Variants in DHX32 observed in about 807,000 individuals in gnomAD.
The protein encoded by DHX32 is putative pre-mRNA-splicing factor ATP-dependent RNA helicase DHX32.
A neutral mutation model predicts 70.0 loss-of-function variants in DHX32; 51 were observed. The observed-to-expected ratio is 0.73, with a 90% CI of 0.58 to 0.92. DHX32 has a LOEUF of 0.92. Ranked by LOEUF, DHX32 falls within the 40% of genes least tolerant of loss-of-function variation. The probability of loss-of-function intolerance (pLI) is 0.00; values close to 1 mark genes in which losing one functional copy is unlikely to be tolerated. For missense variants in DHX32, 762 were observed against 891.8 expected, an observed-to-expected ratio of 0.85 and a Z score of 1.85; for synonymous variants, 310 against 315.3, an observed-to-expected ratio of 0.98 and a Z score of 0.18.
rs78534599 is a variant in DHX32 at position 125,889,292 on chromosome 10, G to T, written c.-248+6926C>A. Among the ~76,000 whole-genome samples, 13 of 152,244 alleles carry T rather than the reference G, an allele frequency of 8.5e-5. No individual in the cohort carries two copies. The South Asian group carries it at 1.9e-3, about 22-fold the overall frequency. On this transcript the variant is annotated intron_variant, in intron 1 of 2. Coordinates refer to the DHX32 transcript ENST00000415732. ...CAACTCCTGCAAAATAAGATACAGG[G>T]CTGTGCACAAACTATGTGATCAATA...
At chr10:125,847,928 G>C (rs922531870) in intron 6 of DHX32, among the ~76,000 whole-genome samples, 1 of 152,272 alleles carries the variant, frequency 6.6e-6, no homozygotes, top group South Asian at 2.1e-4. Context: ...AGTAATGCTC[G>C]CTTGCCCCCC....
In DHX32 at chr10:125,864,929, C is replaced by CAAAAAAAAAAAAAAAAAAAAA. The variant is rs61570718; in HGVS notation, c.476+2040_476+2060dup. Among the ~76,000 whole-genome samples the CAAAAAAAAAAAAAAAAAAAAA allele has an allele frequency of 1.1e-4, 6 of 54,224 alleles. 1 individual carries two copies. Among genetic ancestry groups the CAAAAAAAAAAAAAAAAAAAAA allele is most frequent in the Non-Finnish European group, 1.5e-4 (5 of 32,388 alleles). 35.6% of individuals were successfully genotyped at this position (54,224 alleles called of 152,430 possible). A position where few individuals can be genotyped will look rare whatever the true frequency, so the allele number is the denominator to read the frequency against. ...TGGGAGACAGAGTGGGACTCTGTCT[C>CAAAAAAAAAAAAAAAAAAAAA]AAAAAAAAAAAAAAAAAAAAAAAAA... On this transcript the variant is annotated intron_variant, in intron 2 of 10. Transcript: ENST00000284690.
At chr10:125,879,021 T>G (rs1944301724) in intron 1 of DHX32, among the ~76,000 whole-genome samples, 1 of 134,744 alleles carries the variant, frequency 7.4e-6, no homozygotes, top group South Asian at 2.7e-4. Flanking sequence ...TCTTGTTTTT[T>G]TTTTTTTTTT....
chr10:125,860,928 A>G (rs993750991), intron 2 of DHX32, among the ~76,000 whole-genome samples: 2 of 151,200 alleles, frequency 1.3e-5, no homozygotes, highest in Non-Finnish European at 2.9e-5. Context: ...AATTTTTTGT[A>G]TTTTTAGTAG....
At chr10:125,842,959 A>G (rs1156789862) in intron 6 of DHX32, among the ~76,000 whole-genome samples, 4 of 152,134 alleles carry the variant, frequency 2.6e-5, no homozygotes, top group Non-Finnish European at 4.4e-5. Context: ...AGATTGGTGC[A>G]AAAGTAATTG....
intron 10 of DHX32, among the ~76,000 whole-genome samples, chr10:125,837,514 ACCT>A (rs1271185132): frequency 2.6e-5 from 4 of 151,968 alleles, no homozygotes; most frequent in African/African-American, 9.7e-5. Context: ...TGCAGCCTTG[ACCT>A]CCTGGGCTCA....
At chr10:125,884,103 G>A (rs138802262), upstream of DHX32, among the ~76,000 whole-genome samples, 210 of 152,238 alleles carry the variant, frequency 1.4e-3, 2 homozygotes, top group Admixed American at 0.011. Flanking sequence ...CATCTATTTC[G>A]ACTACTCAGA....
At chr10:125,847,428 T>C (rs1324862295) in intron 6 of DHX32, among the ~76,000 whole-genome samples, 1 of 152,052 alleles carries the variant, frequency 6.6e-6, no homozygotes, top group African/African-American at 2.4e-5. Context: ...ACAGAGTGCT[T>C]CCAGAGTGCC....
At chr10:125,878,720 T>C (rs1944299072) in intron 1 of DHX32, among the ~76,000 whole-genome samples, 1 of 151,848 alleles carries the variant, frequency 6.6e-6, no homozygotes, top group African/African-American at 2.4e-5. Flanking sequence ...GTTTTCTTTT[T>C]TTTTTTGAGA....
At chr10:125,852,154 G>T in intron 6 of DHX32, 139 bp downstream of exon 6, 1 of 1,064,068 alleles carries the variant, frequency 9.4e-7, no homozygotes, top group Non-Finnish European at 1.3e-6. Context: ...ACCTCTAGCA[G>T]GAAAATGCTT....
At chr10:125,850,354 CTTTTTTTTTTTT>C (rs765077777) in intron 6 of DHX32, among the ~76,000 whole-genome samples, 3 of 124,560 alleles carry the variant, frequency 2.4e-5, no homozygotes, top group East Asian at 4.4e-4. Flanking sequence ...TTCTTTCTTT[CTTTTTTTTTTTT>C]TTTTTTTTGA....
In DHX32 at chr10:125,841,847, A is replaced by T. The variant is rs137998421; in HGVS notation, c.1439T>A (p.Ile480Asn). 6.2e-7 allele frequency: 1 copy of T among 1,613,844 alleles called. No homozygotes were observed. Among genetic ancestry groups the T allele is most frequent in the Non-Finnish European group, 8.5e-7 (1 of 1,179,958 alleles). The change falls in exon 7 of 11, where the codon ATC (isoleucine) becomes AAC (asparagine). Residue 480 changes from isoleucine to asparagine, a missense_variant. Physicochemically the swap from Ile to Asn is moderately radical, Grantham distance 149. Transcript: ENST00000284690. Reference protein sequence around the residue: ...NDGNLSEFGIIMSEFPLDPQL... With the variant: ...NDGNLSEFGINMSEFPLDPQL... ...TGGATCAAGAGGAAACTCTGACATG[A>T]TGATTCCAAATTCAGAAAGATTTCC...
upstream of DHX32, among the ~76,000 whole-genome samples, chr10:125,883,968 G>A (rs1420879176): frequency 3.9e-5 from 6 of 152,096 alleles, no homozygotes; most frequent in Admixed American, 1.3e-4. Context: ...TCTCCTAACC[G>A]GTGCATTAGA....
intron 6 of DHX32, chr10:125,842,274 G>A: frequency 1.2e-5 from 3 of 245,826 alleles, no homozygotes. Context: ...CGCGGTCACA[G>A]TACTGGAGAG....
chr10:125,836,430 G>GT lies in DHX32; in HGVS notation c.*256dup, dbSNP rs1391319145. On this transcript the variant is annotated 3_prime_UTR_variant, in exon 11 of 11. Transcript: ENST00000284690. ...TCTCTGACACATTTACAAAATACCA[G>GT]TTTTTTAAAATTTTGGTCAAATTAT... 1.4e-6 allele frequency: 2 copies of GT among 1,439,176 alleles called. No individual in the cohort carries two copies. The highest frequency in any genetic ancestry group is 1.8e-6 in the Non-Finnish European group (2 of 1,102,600). The allele number at this position is 1,439,176 out of a possible 1,614,324, so 89.2% of individuals were successfully genotyped here. A position where few individuals can be genotyped will look rare whatever the true frequency, so the allele number is the denominator to read the frequency against.
intron 3 of DHX32, among the ~76,000 whole-genome samples, chr10:125,855,494 G>GGCT (rs1944139404): frequency 6.7e-6 from 1 of 148,780 alleles, no homozygotes; most frequent in South Asian, 2.1e-4. Flanking sequence ...TGTTGCCCAG[G>GGCT]CTGGAGTGCA....
chr10:125,878,363 C>G (rs915041679), intron 1 of DHX32, among the ~76,000 whole-genome samples: 1 of 152,234 alleles, frequency 6.6e-6, no homozygotes, highest in Non-Finnish European at 1.5e-5. Context: ...CATCGACTTA[C>G]ATCTTCATAA....
chr10:125,842,097 C>T, intron 6 of DHX32, 163 bp from the exon 7 acceptor site: 1 of 932,218 alleles, frequency 1.1e-6, no homozygotes, highest in Non-Finnish European at 1.5e-6. Context: ...GATAGTGATT[C>T]TTGAGAGGGC....
chr10:125,840,783 G>T, intron 8 of DHX32, 64 bp downstream of exon 8: 1 of 1,485,774 alleles, frequency 6.7e-7, no homozygotes, highest in South Asian at 1.4e-5. Context: ...TAACTAATAA[G>T]GACTCAGACT....
Sources: allele counts gnomAD v4.1 joint callset (sites outside exome capture counted in the v4.1 genomes callset), GRCh38; gene constraint gnomAD v4.1.1; transcripts MANE v1.5; gene names NCBI Gene and HGNC (gene_info 2026-07-23, HGNC 2026-07-21).